PSME4: variants seen among roughly 807,000 people sequenced by gnomAD.
PSME4 encodes proteasome activator subunit 4.
Under a neutral mutation model 253.9 loss-of-function variants are expected in PSME4, and 89 were observed. The ratio of observed to expected loss-of-function variants is 0.35; its 90% CI spans 0.30 to 0.42. The LOEUF is 0.42. Ranked by LOEUF, PSME4 falls within the 10% of genes least tolerant of loss-of-function variation. The pLI is 1.00. For missense variants in PSME4, 2,014 were observed against 2,195.2 expected, an observed-to-expected ratio of 0.92 and a Z score of 1.65; for synonymous variants, 851 against 759.2, an observed-to-expected ratio of 1.12 and a Z score of -1.99.
rs1667671813 is a variant in PSME4, at chr2:53,908,570, A to G, written c.2630-5T>C. On this transcript the variant is annotated splice_region_variant and splice_polypyrimidine_tract_variant and intron_variant, in intron 22 of 46. Transcript: ENST00000404125. ...CTGAATTATCAAGTATGTGGTCTAT[A>G]ATGGAAGAAAGAAAAGGATTTTGGT... The G allele has an allele frequency of 1.3e-6, 2 of 1,585,934 alleles. No homozygotes were observed. The highest frequency in any genetic ancestry group is 1.7e-6 in the Non-Finnish European group (2 of 1,169,088).
Position 53,970,773 on chromosome 2 carries a change from G to C in PSME4, c.12C>G (p.Ala4=), listed in dbSNP as rs1238271245. 1.9e-6 allele frequency: 3 copies of C among 1,541,486 alleles called. No homozygotes were observed. The highest frequency in any genetic ancestry group is 1.2e-5 in the South Asian group (1 of 83,582). Reference sequence around the variant, plus strand: ...GGGGCTCTCCGACTCCCGCCCGCTCGGCCGGCTCCATGAGCCCAGGGACAC... The same window carrying C: ...GGGGCTCTCCGACTCCCGCCCGCTCCGCCGGCTCCATGAGCCCAGGGACAC... The part of the protein sequence containing the change: MEP[A]ERAGVGEPPE... Residue 4 remains alanine, a synonymous_variant, in exon 1 of 47, where the codon GCC becomes GCG. Transcript: ENST00000404125.
chr2:53,950,141 T>C (rs1376990139), intron 1 of PSME4, among the ~76,000 whole-genome samples: 1 of 152,096 alleles, frequency 6.6e-6, no homozygotes, highest in Non-Finnish European at 1.5e-5. Flanking sequence ...CCAGGCATGA[T>C]GGCGTGCGCC....
chr2:53,890,045 G>T, intron 37 of PSME4, 59 bp downstream of exon 37: 1 of 1,265,086 alleles, frequency 7.9e-7, no homozygotes, highest in Non-Finnish European at 1.1e-6. Context: ...CACTTTGAGA[G>T]ACAGTATCAA....
chr2:53,908,605 T>C (rs200445490), intron 22 of PSME4, 40 bp from the exon 23 acceptor site: 4 of 1,560,912 alleles, frequency 2.6e-6, no homozygotes, highest in Non-Finnish European at 3.5e-6. Context: ...TTAAAATATT[T>C]TGAACTACTA....
chr2:53,947,684 C>T (rs999928252), intron 3 of PSME4, among the ~76,000 whole-genome samples: 3 of 146,402 alleles, frequency 2.0e-5, no homozygotes, highest in African/African-American at 5.1e-5. Flanking sequence ...CCAGCCTGGG[C>T]GACAGAGCGA....
At chr2:53,938,875 AAAAC>A (rs750690415) in intron 4 of PSME4, among the ~76,000 whole-genome samples, 18 of 152,252 alleles carry the variant, frequency 1.2e-4, no homozygotes, top group Non-Finnish European at 2.5e-4. Context: ...TAAAAAAACA[AAAAC>A]AAACTATGCT....
At chr2:53,966,073 G>T (rs540456250) in intron 1 of PSME4, among the ~76,000 whole-genome samples, 1 of 152,138 alleles carries the variant, frequency 6.6e-6, no homozygotes, top group Non-Finnish European at 1.5e-5. Flanking sequence ...ATCATTTGGG[G>T]CCAGGAGTTT....
rs752066381 is a variant in PSME4 at position 53,895,095 on chromosome 2, T to C, written c.3843-19A>G. On this transcript the variant is annotated intron_variant, in intron 33 of 46. Transcript: ENST00000404125. ...CATATTCCTATATAGTAAGAGTTCATATTTATCATACGCATAGAAAAAAAT... is the reference window on the plus strand; with the variant it reads ...CATATTCCTATATAGTAAGAGTTCACATTTATCATACGCATAGAAAAAAAT... 40 of 1,584,570 alleles carry C rather than the reference T, an allele frequency of 2.5e-5. No individual in the cohort carries two copies. The highest frequency in any genetic ancestry group is 5.8e-5 in the South Asian group (5 of 86,196).
chr2:53,955,439 C>A (rs1670187133), intron 1 of PSME4, among the ~76,000 whole-genome samples: 1 of 152,148 alleles, frequency 6.6e-6, no homozygotes, highest in South Asian at 2.1e-4. Context: ...TGGCCCAAGA[C>A]AATTCTTCCA....
intron 41 of PSME4, among the ~76,000 whole-genome samples, chr2:53,883,779 G>C (rs1292144693): frequency 1.3e-5 from 2 of 150,338 alleles, no homozygotes; most frequent in Non-Finnish European, 3.0e-5. Context: ...CCATTCCCTT[G>C]ATGATCTCAT....
intron 44 of PSME4, among the ~76,000 whole-genome samples, chr2:53,867,395 G>T (rs558851239): frequency 6.6e-6 from 1 of 150,970 alleles, no homozygotes; most frequent in South Asian, 2.1e-4. Flanking sequence ...CAGATACCCA[G>T]AAGCTGAGGC....
intron 33 of PSME4, 60 bp from the exon 34 acceptor site, chr2:53,895,136 A>G: frequency 6.8e-7 from 1 of 1,465,732 alleles, no homozygotes; most frequent in Non-Finnish European, 9.3e-7. Flanking sequence ...AGCTTCATGG[A>G]TAGAAAGCAT....
intron 41 of PSME4, among the ~76,000 whole-genome samples, chr2:53,878,898 C>T (rs1402262336): frequency 2.0e-5 from 3 of 152,118 alleles, no homozygotes; most frequent in Non-Finnish European, 4.4e-5. Context: ...TATTTTATTA[C>T]CTTGGGAAGT....
At chr2:53,885,840 A>C (rs1434925986) in intron 40 of PSME4, 65 bp from the exon 41 acceptor site, 1 of 1,155,270 alleles carries the variant, frequency 8.7e-7, no homozygotes, top group Admixed American at 1.8e-5. Flanking sequence ...AAAGTAGAAC[A>C]ATATTGTAAT....
intron 41 of PSME4, among the ~76,000 whole-genome samples, chr2:53,878,263 C>CT (rs1206760208): frequency 2.6e-5 from 4 of 152,230 alleles, no homozygotes. Context: ...TTCATGCACA[C>CT]TTATCACTTC....
Position 53,901,403 on chromosome 2 carries a change from C to T in PSME4, c.3232G>A (p.Asp1078Asn), listed in dbSNP as rs773660678. 1 of 1,614,102 alleles carries T rather than the reference C, an allele frequency of 6.2e-7. No homozygotes were observed. Among genetic ancestry groups the T allele is most frequent in the Admixed American group, 1.7e-5 (1 of 60,004 alleles). Residue 1078 changes from aspartate (D) to asparagine (N), a missense_variant, in exon 28 of 47, where the codon GAT becomes AAT. Transcript: ENST00000404125. The part of the protein sequence containing the change: ...EKPSIVRLFD[D>N]LAEKIHRQYE... ...TGCCTATGAATCTTTTCTGCAAGAT[C>T]ATCAAACAATCTCACTATTGATGGC...
intron 41 of PSME4, among the ~76,000 whole-genome samples, chr2:53,878,032 A>G (rs1002241903): frequency 6.6e-6 from 1 of 152,212 alleles, no homozygotes; most frequent in African/African-American, 2.4e-5. Flanking sequence ...TAACCAATAA[A>G]GAGGGGTGTG....
chr2:53,968,014 T>G (rs1297809324), intron 1 of PSME4, among the ~76,000 whole-genome samples: 1 of 152,086 alleles, frequency 6.6e-6, no homozygotes, highest in African/African-American at 2.4e-5. Context: ...GGCTCACACA[T>G]GTAATCCCAG....
At chr2:53,867,916 G>C (rs894570609) in intron 44 of PSME4, among the ~76,000 whole-genome samples, 2 of 152,002 alleles carry the variant, frequency 1.3e-5, no homozygotes, top group Non-Finnish European at 2.9e-5. Flanking sequence ...ATTCTAAAGA[G>C]TCTCTATTCT....
Sources: allele counts gnomAD v4.1 joint callset (sites outside exome capture counted in the v4.1 genomes callset), GRCh38; gene constraint gnomAD v4.1.1; transcripts MANE v1.5; gene names NCBI Gene and HGNC (gene_info 2026-07-23, HGNC 2026-07-21).